ZSCAN25: variants seen among roughly 807,000 people sequenced by gnomAD.
ZSCAN25 encodes the protein zinc finger and SCAN domain-containing protein 25.
Under a neutral mutation model 38.7 loss-of-function variants are expected in ZSCAN25, and 27 were observed. The observed-to-expected ratio is 0.70, with a 90% confidence interval of 0.51 to 0.96. ZSCAN25 has a LOEUF of 0.96. Ranked by LOEUF, ZSCAN25 falls within the 40% of genes least tolerant of loss-of-function variation. The pLI is 0.00. For synonymous variants in ZSCAN25, 273 were observed against 277.7 expected (o/e 0.98, Z 0.17); for missense variants, 637 against 705.9 (o/e 0.90, Z 1.11).
the ZSCAN25 span, chr7:99,660,097 A>G: frequency 3.5e-6 from 2 of 577,030 alleles, no homozygotes; most frequent in Non-Finnish European, 2.2e-6. Context: ...AACAATCCCC[A>G]TTGAGATGCA....
rs1465529805 is a variant in ZSCAN25, at chr7:99,631,234, T to C, written c.*1214T>C. 6.1e-6 allele frequency: 6 copies of C among 985,300 alleles called. No homozygotes were observed. Among genetic ancestry groups the C allele is most frequent in the Non-Finnish European group, 7.2e-6 (6 of 829,944 alleles). 61.0% of individuals were successfully genotyped at this position (985,300 alleles called of 1,614,324 possible). A position where few individuals can be genotyped will look rare whatever the true frequency, so the allele number is the denominator to read the frequency against. Reference sequence around the variant, plus strand: ...TCTTGTTACTAAATGGTCTCTGCCCTCCAGACCCTTGTCATCCAAGGCACT... The same window carrying C: ...TCTTGTTACTAAATGGTCTCTGCCCCCCAGACCCTTGTCATCCAAGGCACT... On this transcript the variant is annotated 3_prime_UTR_variant, in exon 8 of 8. Coordinates refer to ENST00000394152, the MANE Select transcript of ZSCAN25 (RefSeq NM_145115.3).
the ZSCAN25 span, among the ~76,000 whole-genome samples, chr7:99,713,192 GA>G: frequency 6.6e-6 from 1 of 152,190 alleles, no homozygotes; most frequent in African/African-American, 2.4e-5. Context: ...AGGAGGCTGA[GA>G]ACTGGCATTT....
At chr7:99,642,436 C>G in the ZSCAN25 span, among the ~76,000 whole-genome samples, 1 of 152,206 alleles carries the variant, frequency 6.6e-6, no homozygotes, top group African/African-American at 2.4e-5. Context: ...CTAGCACCAA[C>G]CATCAGTCAG....
chr7:99,728,714 C>G, the ZSCAN25 span, among the ~76,000 whole-genome samples: 7 of 152,198 alleles, frequency 4.6e-5, no homozygotes, highest in Non-Finnish European at 5.9e-5. Flanking sequence ...CCTCATGACA[C>G]CAACCAGACA....
chr7:99,723,174 C>T, the ZSCAN25 span, among the ~76,000 whole-genome samples: 4 of 152,148 alleles, frequency 2.6e-5, no homozygotes, highest in South Asian at 8.3e-4. Context: ...CCCAAGCCTG[C>T]ATGGGTACAT....
chr7:99,637,102 A>G (rs1490424437), downstream of ZSCAN25, among the ~76,000 whole-genome samples: 1 of 152,192 alleles, frequency 6.6e-6, no homozygotes, highest in Non-Finnish European at 1.5e-5. Flanking sequence ...TGGATCACAC[A>G]TCTATAAAAA....
the ZSCAN25 span, chr7:99,710,611 C>T: frequency 1.3e-6 from 2 of 1,542,686 alleles, no homozygotes; most frequent in East Asian, 2.3e-5. Flanking sequence ...AGCCTTCCTA[C>T]ATATTGTGAA....
intron 7 of ZSCAN25, chr7:99,624,578 G>A (rs866256115): frequency 2.8e-5 from 6 of 212,144 alleles, no homozygotes; most frequent in African/African-American, 1.1e-4. Flanking sequence ...TCTTGCGGCA[G>A]GAAGTGGGCA....
the ZSCAN25 span, among the ~76,000 whole-genome samples, chr7:99,645,116 G>A: frequency 7.9e-5 from 12 of 152,158 alleles, no homozygotes; most frequent in Admixed American, 2.0e-4. Context: ...TCAGCCTCCC[G>A]AGTAGCTGAG....
downstream of ZSCAN25, among the ~76,000 whole-genome samples, chr7:99,637,264 C>G (rs954629829): frequency 6.6e-6 from 1 of 152,084 alleles, no homozygotes; most frequent in Non-Finnish European, 1.5e-5. Context: ...AATTACTGGT[C>G]TTAGGCGTTT....
At chr7:99,690,108 G>A in the ZSCAN25 span, among the ~76,000 whole-genome samples, 225 of 152,176 alleles carry the variant, frequency 1.5e-3, 1 homozygote, top group Middle Eastern at 6.8e-3. Flanking sequence ...AGAGATATTG[G>A]CCAATGGAGC....
At chr7:99,666,464 TG>T in the ZSCAN25 span, 1 of 904,122 alleles carries the variant, frequency 1.1e-6, no homozygotes, top group Non-Finnish European at 1.8e-6. Flanking sequence ...CCCTCTTAGG[TG>T]GCTCTTTGGA....
At chr7:99,657,967 C>T in the ZSCAN25 span, among the ~76,000 whole-genome samples, 1 of 152,106 alleles carries the variant, frequency 6.6e-6, no homozygotes, top group Admixed American at 6.6e-5. Flanking sequence ...TATTTTGAGC[C>T]TATGTGTTAC....
the ZSCAN25 span, among the ~76,000 whole-genome samples, chr7:99,690,715 G>T: frequency 6.6e-6 from 1 of 152,088 alleles, no homozygotes; most frequent in South Asian, 2.1e-4. Context: ...CTGGCCATCA[G>T]AGAAATGCAA....
the ZSCAN25 span, chr7:99,676,045 AT>A: frequency 7.1e-7 from 1 of 1,399,988 alleles, no homozygotes; most frequent in Non-Finnish European, 1.0e-6. Context: ...AAGGAGGGGC[AT>A]TTTTACTGAT....
the ZSCAN25 span, chr7:99,663,025 C>T: frequency 1.4e-6 from 2 of 1,411,228 alleles, no homozygotes; most frequent in Non-Finnish European, 1.9e-6. Flanking sequence ...ACCTGAGTCA[C>T]CAGTGAACAA....
the ZSCAN25 span, among the ~76,000 whole-genome samples, chr7:99,649,281 ATCC>A: frequency 6.6e-6 from 1 of 152,174 alleles, no homozygotes; most frequent in African/African-American, 2.4e-5. Context: ...AACCATCTCC[ATCC>A]TCCTCCTCTC....
rs1806804352 is a variant in ZSCAN25 at position 99,619,972 on chromosome 7, AAG to A, written c.369_370del (p.Arg123SerfsTer39). Reference protein sequence around the residue: ...LAAMVEDLTERALEAKAVPCH... With the variant: ...LAAMVEDLTEXALEAKAVPCH... ...CCGCCATGGTGGAGGACCTGACAGA[AAG>A]AGCACTGGAGGCCAAGGCGGTGGGT... On this transcript the variant is annotated frameshift_variant, in exon 4 of 8. Coordinates refer to ENST00000394152, the MANE Select transcript of ZSCAN25 (RefSeq NM_145115.3). LOFTEE classifies it high-confidence loss of function. 2 of 1,613,662 alleles carry A rather than the reference AAG, an allele frequency of 1.2e-6. No homozygotes were observed. Among genetic ancestry groups the A allele is most frequent in the Non-Finnish European group, 1.7e-6 (2 of 1,179,950 alleles).
the ZSCAN25 span, chr7:99,713,430 G>A: frequency 1.2e-6 from 2 of 1,612,450 alleles, no homozygotes; most frequent in Admixed American, 3.3e-5. Flanking sequence ...TTCCCTCTGA[G>A]TGCCCCACCA....
Sources: allele counts gnomAD v4.1 joint callset (sites outside exome capture counted in the v4.1 genomes callset), GRCh38; gene constraint gnomAD v4.1.1; transcripts MANE v1.5; gene names NCBI Gene and HGNC (gene_info 2026-07-23, HGNC 2026-07-21).